The following BMPER variants were observed in gnomAD, a reference collection of about 807,000 sequenced individuals.
BMPER encodes the protein BMP-binding endothelial regulator protein.
Under a neutral mutation model 87.3 loss-of-function variants are expected in BMPER, and 45 were observed. That is an observed-to-expected ratio of 0.52 (90% CI 0.41 to 0.66). The LOEUF is 0.66. BMPER is among the 30% of genes least tolerant of loss of function. The probability of loss-of-function intolerance (pLI) is 0.00; values close to 1 mark genes in which losing one functional copy is unlikely to be tolerated. For synonymous variants in BMPER, 326 were observed against 316.2 expected (o/e 1.03, Z -0.33); for missense variants, 784 against 867.5 (o/e 0.90, Z 1.21).
upstream of BMPER, chr7:33,905,270 A>G (rs1170028623): frequency 1.3e-5 from 5 of 386,780 alleles, no homozygotes; most frequent in African/African-American, 4.3e-5. Context: ...CTCTCAGTCT[A>G]TCTCCGGCTG....
chr7:33,940,860 A>G (rs1221778653), intron 3 of BMPER, among the ~76,000 whole-genome samples: 2 of 141,604 alleles, frequency 1.4e-5, no homozygotes, highest in Non-Finnish European at 3.0e-5. Flanking sequence ...TAGAATTTAT[A>G]TATATTATAT....
rs542452381 is a variant in BMPER at position 33,906,801 on chromosome 7, T to C, written c.134-17T>C. ...AAGCTAACTTTAAATGAAACATTTT[T>C]CCCCCCTGAATTTCAGGTTCTGTTG... is the stretch of plus-strand genomic sequence containing the variant. On this transcript the variant is annotated splice_polypyrimidine_tract_variant and intron_variant, in intron 1 of 14. Coordinates refer to ENST00000649409, the MANE Select transcript of BMPER (RefSeq NM_001365308.1). 50 of 1,603,496 alleles carry C rather than the reference T, an allele frequency of 3.1e-5. No individual in the cohort carries two copies. The East Asian group carries it at 4.2e-4, about 14-fold the overall frequency.
chr7:34,086,115 TG>T, intron 13 of BMPER, 23 bp downstream of exon 13: 1 of 1,610,372 alleles, frequency 6.2e-7, no homozygotes, highest in Non-Finnish European at 8.5e-7. Context: ...TTCTGGGGAA[TG>T]GTTTTGGGTT....
intron 11 of BMPER, chr7:34,067,240 T>A (rs1788617721): frequency 6.6e-6 from 1 of 152,096 alleles, no homozygotes; most frequent in Non-Finnish European, 1.5e-5. Flanking sequence ...GTGTGCCTGC[T>A]CTCCTAGGAG....
chr7:34,112,643 G>C (rs1790008691), intron 13 of BMPER, among the ~76,000 whole-genome samples: 1 of 151,500 alleles, frequency 6.6e-6, no homozygotes, highest in South Asian at 2.1e-4. Flanking sequence ...TGTGTATACT[G>C]TTGTAGCATG....
intron 13 of BMPER, among the ~76,000 whole-genome samples, chr7:34,107,777 G>T (rs990660906): frequency 1.3e-5 from 2 of 152,052 alleles, no homozygotes; most frequent in East Asian, 3.9e-4. Context: ...CTATGTATTG[G>T]GTTTTTTGGT....
At chr7:34,108,276 T>C (rs1789875893) in intron 13 of BMPER, among the ~76,000 whole-genome samples, 1 of 152,138 alleles carries the variant, frequency 6.6e-6, no homozygotes, top group African/African-American at 2.4e-5. Flanking sequence ...TTTTTTTCAG[T>C]GTTGTGAAAT....
chr7:33,918,711 A>G (rs1264747194), intron 2 of BMPER, among the ~76,000 whole-genome samples: 1 of 151,918 alleles, frequency 6.6e-6, no homozygotes, highest in Non-Finnish European at 1.5e-5. Flanking sequence ...CTTGGGGGGA[A>G]TGGGGCCCAT....
chr7:34,097,926 A>G (rs1789572618), intron 13 of BMPER, among the ~76,000 whole-genome samples: 1 of 152,170 alleles, frequency 6.6e-6, no homozygotes, highest in African/African-American at 2.4e-5. Flanking sequence ...ATGCACACCT[A>G]GATAGACCAA....
intron 6 of BMPER, among the ~76,000 whole-genome samples, chr7:33,986,046 T>C (rs1307826239): frequency 6.6e-6 from 1 of 152,198 alleles, no homozygotes; most frequent in African/African-American, 2.4e-5. Context: ...TCCAAGACTT[T>C]TCATTATTTA....
intron 5 of BMPER, among the ~76,000 whole-genome samples, chr7:33,973,961 C>T (rs576134514): frequency 6.6e-6 from 1 of 152,168 alleles, no homozygotes; most frequent in South Asian, 2.1e-4. Context: ...GGGTTTTGGT[C>T]CTATTATTAG....
rs909447081 is a variant in BMPER, at chr7:34,046,408, G to A, written c.676+3G>A. 3.7e-6 allele frequency: 6 copies of A among 1,611,380 alleles called. No homozygotes were observed. Among genetic ancestry groups the A allele is most frequent in the African/African-American group, 1.3e-5 (1 of 74,988 alleles). On this transcript the variant is annotated splice_donor_region_variant and intron_variant, in intron 7 of 14. Transcript: ENST00000649409. ...ACAGTGCTGCCCCAAATGTTTGGGT[G>A]AGTTACTATTTTCAGGTCAAAGAAC...
chr7:34,015,272 T>G (rs1213887175), intron 6 of BMPER, among the ~76,000 whole-genome samples: 1 of 152,104 alleles, frequency 6.6e-6, no homozygotes, highest in South Asian at 2.1e-4. Context: ...TGCCCTGTGC[T>G]TTTGCTTCCT....
At chr7:33,997,203 T>A (rs563332697) in intron 6 of BMPER, among the ~76,000 whole-genome samples, 2 of 152,320 alleles carry the variant, frequency 1.3e-5, no homozygotes, top group South Asian at 4.1e-4. Context: ...TGTCCCCCTC[T>A]GCTTCAGATT....
chr7:34,073,018 G>A (rs750969349), intron 11 of BMPER, among the ~76,000 whole-genome samples: 3 of 151,922 alleles, frequency 2.0e-5, no homozygotes, highest in Non-Finnish European at 4.4e-5. Context: ...TCAGTTAATC[G>A]ATTAGGCGAT....
In BMPER at chr7:33,967,284, G is replaced by A. The variant is rs138506215; in HGVS notation, c.402+723G>A. ...TGACAAAACTTAAAATTTCTTCTTC[G>A]TAGAAAAGGTGCTGTTAAATCATTT... is the stretch of plus-strand genomic sequence containing the variant. On this transcript the variant is annotated intron_variant, in intron 4 of 14. Coordinates refer to ENST00000649409, the MANE Select transcript of BMPER (RefSeq NM_001365308.1). Among the ~76,000 whole-genome samples, 12 of 152,198 alleles carry A rather than the reference G, an allele frequency of 7.9e-5. No homozygotes were observed. The East Asian group carries it at 2.1e-3, about 27-fold the overall frequency.
intron 13 of BMPER, among the ~76,000 whole-genome samples, chr7:34,120,475 C>T (rs969480465): frequency 1.2e-4 from 18 of 152,062 alleles, no homozygotes; most frequent in Admixed American, 6.6e-5. Context: ...CTTGGCTCAC[C>T]GCAAGCTCCT....
intron 2 of BMPER, among the ~76,000 whole-genome samples, chr7:33,935,305 A>G (rs1200725221): frequency 6.6e-6 from 1 of 152,030 alleles, no homozygotes; most frequent in Non-Finnish European, 1.5e-5. Flanking sequence ...GCTCAGCCCC[A>G]GTGGCCACAG....
chr7:34,115,178 G>A (rs948916790), intron 13 of BMPER, among the ~76,000 whole-genome samples: 7 of 152,154 alleles, frequency 4.6e-5, no homozygotes, highest in Non-Finnish European at 8.8e-5. Flanking sequence ...GACATTAAAT[G>A]TGTACAAAAA....
Sources: gnomAD v4.1 joint callset for allele counts (sites outside exome capture counted in the v4.1 genomes callset) on GRCh38, gnomAD v4.1.1 for gene constraint, MANE v1.5 for transcripts, NCBI Gene and HGNC (gene_info 2026-07-23, HGNC 2026-07-21) for gene names.